ETFA: variants seen among roughly 807,000 people sequenced by gnomAD.
ETFA encodes electron transfer flavoprotein subunit alpha, also known as electron transfer flavoprotein subunit alpha, mitochondrial.
In ETFA, 22 loss-of-function variants were observed where a neutral mutation model predicts 46.2. The ratio of observed to expected loss-of-function variants is 0.48; its 90% CI spans 0.34 to 0.68. The LOEUF (loss-of-function observed/expected upper bound fraction) is 0.68, where lower values mean the gene tolerates loss of function less well. Ranked by LOEUF, ETFA falls within the 30% of genes least tolerant of loss-of-function variation. The pLI is 0.01. For synonymous variants in ETFA, 131 were observed against 139.9 expected (o/e 0.94, Z 0.45); for missense variants, 345 against 401.1 (o/e 0.86, Z 1.19).
intron 9 of ETFA, among the ~76,000 whole-genome samples, chr15:76,255,412 TATC>T (rs1288393731): frequency 2.0e-5 from 3 of 152,244 alleles, no homozygotes; most frequent in Non-Finnish European, 4.4e-5. Flanking sequence ...AATCTTAAGT[TATC>T]ATATTTCATT....
At chr15:76,305,201 C>T (rs574230964) in intron 1 of ETFA, among the ~76,000 whole-genome samples, 1 of 151,608 alleles carries the variant, frequency 6.6e-6, no homozygotes, top group African/African-American at 2.4e-5. Flanking sequence ...TCCCAAACAC[C>T]CTCTATGTTC....
chr15:76,217,746 G>A, intron 11 of ETFA: 1 of 390,966 alleles, frequency 2.6e-6, no homozygotes, highest in East Asian at 8.1e-5. Flanking sequence ...CAATTACCCA[G>A]TCTTCCAAGG....
intron 9 of ETFA, chr15:76,259,565 G>T (rs78789729): frequency 5.0e-6 from 5 of 997,484 alleles, no homozygotes; most frequent in Non-Finnish European, 3.1e-6. Context: ...TCACCCCGAA[G>T]GCCCACACAT....
chr15:76,268,943 T>C (rs895245215), intron 9 of ETFA, among the ~76,000 whole-genome samples: 1 of 152,348 alleles, frequency 6.6e-6, no homozygotes. Context: ...TCACCCTTGA[T>C]ATTGTAAAAC....
At chr15:76,270,657 G>A (rs2039520264) in intron 9 of ETFA, among the ~76,000 whole-genome samples, 1 of 152,052 alleles carries the variant, frequency 6.6e-6, no homozygotes, top group Admixed American at 6.5e-5. Context: ...CCAGAGATGG[G>A]ACAGGAAAAA....
intron 9 of ETFA, among the ~76,000 whole-genome samples, chr15:76,265,137 G>A (rs191060177): frequency 6.6e-6 from 1 of 152,256 alleles, no homozygotes; most frequent in East Asian, 1.9e-4. Flanking sequence ...TCCTTCCTAG[G>A]GAGCCACCAA....
chr15:76,223,363 A>T (rs7175022), intron 11 of ETFA, among the ~76,000 whole-genome samples: 1 of 151,626 alleles, frequency 6.6e-6, no homozygotes, highest in Non-Finnish European at 1.5e-5. Flanking sequence ...GATTACAGGC[A>T]TGCATCACCA....
At chr15:76,308,743 CA>C (rs1567223571) in intron 1 of ETFA, among the ~76,000 whole-genome samples, 1 of 152,190 alleles carries the variant, frequency 6.6e-6, no homozygotes. Context: ...CAAAATTGAA[CA>C]TCCATAGATT....
intron 10 of ETFA, among the ~76,000 whole-genome samples, chr15:76,227,447 G>GT (rs1423865581): frequency 7.0e-6 from 1 of 142,144 alleles, no homozygotes; most frequent in Non-Finnish European, 1.5e-5. Context: ...ACTCTGGGAG[G>GT]TGGAGGTTGC....
chr15:76,268,448 A>G (rs1406486992), intron 9 of ETFA, among the ~76,000 whole-genome samples: 1 of 152,178 alleles, frequency 6.6e-6, no homozygotes, highest in Non-Finnish European at 1.5e-5. Flanking sequence ...ATCAACCCCC[A>G]TAACATGGGA....
At position 76,259,486 on chromosome 15, in the gene ETFA, A is replaced by G. The variant is rs1452390535; in HGVS notation, c.816+14926T>C. ...TTCAGGTGATTCCCGCCAATGAGGT[A>G]GTTGTAAATCTCAGTGTTTTCGATG... On this transcript the variant is annotated intron_variant, in intron 9 of 11. Transcript: ENST00000557943. The G allele has an allele frequency of 4.7e-6, 4 of 859,680 alleles. No homozygotes were observed. In the Admixed American group the frequency reaches 6.8e-5, roughly 15 times the overall value. 53.3% of individuals were successfully genotyped at this position (859,680 alleles called of 1,614,324 possible).
intron 9 of ETFA, among the ~76,000 whole-genome samples, chr15:76,249,473 G>A (rs1302111650): frequency 2.1e-5 from 2 of 95,350 alleles, no homozygotes; most frequent in Non-Finnish European, 2.0e-5. Flanking sequence ...ATGGAGTCTC[G>A]TTCTGTCGCC....
At chr15:76,237,762 G>C (rs57182285) in intron 9 of ETFA, among the ~76,000 whole-genome samples, 39,744 of 152,048 alleles carry the variant, frequency 0.26, 5,871 homozygotes, top group East Asian at 0.56. Context: ...AAAGGAGACA[G>C]CCAACTGTCA....
At chr15:76,295,198 C>A (rs1017479517) in intron 2 of ETFA, among the ~76,000 whole-genome samples, 3 of 152,198 alleles carry the variant, frequency 2.0e-5, no homozygotes, top group Non-Finnish European at 4.4e-5. Flanking sequence ...AATTCTTCTA[C>A]CAATTAAAAA....
At chr15:76,244,309 T>C (rs965025954) in intron 9 of ETFA, among the ~76,000 whole-genome samples, 15 of 152,212 alleles carry the variant, frequency 9.9e-5, no homozygotes, top group Admixed American at 3.3e-4. Flanking sequence ...ATATGGAAAA[T>C]AGTAATGCCA....
rs2456069 is a variant in ETFA at position 76,286,656 on chromosome 15, C to T, written c.452-175G>A. On this transcript the variant is annotated intron_variant, in intron 5 of 11. Transcript: ENST00000557943. ...CCATAACGGTGAAGAAACATATCAG[C>T]AGATATCTGTATAACCCTGGATGTC... Among the ~76,000 whole-genome samples, 149,062 of 152,314 alleles carry T rather than the reference C, an allele frequency of 0.98. 73,022 individuals are homozygous for T. Among genetic ancestry groups the T allele is most frequent in the South Asian group, 1 (4,830 of 4,830 alleles).
chr15:76,291,207 C>G (rs146969156), intron 4 of ETFA, among the ~76,000 whole-genome samples: 356 of 152,146 alleles, frequency 2.3e-3, no homozygotes, highest in African/African-American at 8.0e-3. Context: ...CAGAGCTAGG[C>G]TGAAGCAGGC....
chr15:76,226,795 C>G lies in ETFA; in HGVS notation c.883-866G>C, dbSNP rs11631690. On this transcript the variant is annotated intron_variant, in intron 10 of 11. Transcript: ENST00000557943. ...TCGGGAGGCTGAGGCAGGAGAATGG[C>G]GTGAACCCAGGAGGCGGAGGTTGCA... Among the ~76,000 whole-genome samples, 439 of 151,998 alleles carry G rather than the reference C, an allele frequency of 2.9e-3. 1 individual carries two copies. The highest frequency in any genetic ancestry group is 0.01 in the African/African-American group (427 of 41,452).
chr15:76,261,812 A>G (rs561193271), intron 9 of ETFA: 28 of 176,636 alleles, frequency 1.6e-4, no homozygotes, highest in Admixed American at 1.3e-3. Context: ...TCAGTAAACC[A>G]TTATTTTCTA....
Sources: gnomAD v4.1 joint callset for allele counts (sites outside exome capture counted in the v4.1 genomes callset) on GRCh38, gnomAD v4.1.1 for gene constraint, MANE v1.5 for transcripts, NCBI Gene and HGNC (gene_info 2026-07-23, HGNC 2026-07-21) for gene names.